ERMP1: variants seen among roughly 807,000 people sequenced by gnomAD.
The protein encoded by ERMP1 is endoplasmic reticulum metallopeptidase 1, also known as Felix-ina.
A neutral mutation model predicts 92.0 loss-of-function variants in ERMP1; 86 were observed. The observed-to-expected ratio is 0.93, with a 90% CI of 0.79 to 1.12. The LOEUF is 1.12. Ranked by LOEUF, ERMP1 falls within the 50% of genes most tolerant of loss-of-function variation. The pLI is 0.00. For synonymous variants in ERMP1, 530 were observed against 412.8 expected, an observed-to-expected ratio of 1.28 and a Z score of -3.44; for missense variants, 1,342 against 1,116.3, an observed-to-expected ratio of 1.20 and a Z score of -2.88.
intron 1 of ERMP1, among the ~76,000 whole-genome samples, chr9:5,831,418 C>T (rs1043174356): frequency 6.6e-6 from 1 of 152,044 alleles, no homozygotes; most frequent in African/African-American, 2.4e-5. Context: ...CCAGCCTGGG[C>T]AACATGGTGA....
At chr9:5,798,690 G>T in intron 12 of ERMP1, 116 bp downstream of exon 12, 1 of 573,228 alleles carries the variant, frequency 1.7e-6, no homozygotes, top group Non-Finnish European at 3.0e-6. Context: ...AGAAAAAATA[G>T]TACAAACACC....
chr9:5,858,626 G>C (rs1176879713), intron 6 of ERMP1, among the ~76,000 whole-genome samples: 5 of 152,214 alleles, frequency 3.3e-5, no homozygotes, highest in Non-Finnish European at 5.9e-5. Flanking sequence ...GTGGTAAAGA[G>C]AAGTTCTCCA....
At chr9:5,789,117 G>C (rs1339382048) in intron 13 of ERMP1, among the ~76,000 whole-genome samples, 1 of 152,048 alleles carries the variant, frequency 6.6e-6, no homozygotes, top group African/African-American at 2.4e-5. Context: ...TGTAATCCAA[G>C]AAAGCATTCC....
intron 6 of ERMP1, chr9:5,855,915 G>A (rs975589855): frequency 1.9e-5 from 4 of 210,166 alleles, no homozygotes; most frequent in Non-Finnish European, 4.1e-5. Context: ...GACTGGCTTT[G>A]CCACAACCTT....
chr9:5,791,842 C>A (rs1011207601), intron 13 of ERMP1, among the ~76,000 whole-genome samples: 1 of 152,106 alleles, frequency 6.6e-6, no homozygotes, highest in Non-Finnish European at 1.5e-5. Flanking sequence ...AAATGAAAAC[C>A]CATTCATGTC....
chr9:5,787,683 A>C (rs1365491716), intron 13 of ERMP1, 90 bp from the exon 14 acceptor site: 1 of 1,297,506 alleles, frequency 7.7e-7, no homozygotes, highest in Non-Finnish European at 1.1e-6. Flanking sequence ...ATAAAGGTTC[A>C]TGCCTGCATG....
Position 5,805,727 on chromosome 9 carries a change from C to A in ERMP1, c.1607G>T (p.Cys536Phe). The stretch of plus-strand genomic sequence containing the variant: ...GTAAGTGAGGGTAACAAGAAAACAG[C>A]AATGGACAAACAGCGAAATGTCAAA... ...VFFDISLFVH[C>F]CFLVTLTYQG... is the part of the protein sequence containing the mutation. The change falls in exon 9 of 15, where the codon TGC (cysteine) becomes TTC (phenylalanine). Residue 536 changes from cysteine to phenylalanine, a missense_variant. Coordinates refer to ENST00000339450, the MANE Select transcript of ERMP1 (RefSeq NM_024896.3). The A allele has an allele frequency of 6.2e-7, 1 of 1,612,878 alleles. No individual in the cohort carries two copies. The highest frequency in any genetic ancestry group is 1.7e-4 in the Middle Eastern group (1 of 6,056).
Position 5,786,887 on chromosome 9 carries a change from C to T in ERMP1, c.*257G>A, listed in dbSNP as rs375396280. On this transcript the variant is annotated 3_prime_UTR_variant, in exon 15 of 15. Transcript: ENST00000339450. ...TTGTCCTTAAGGTCATATAAAATGA[C>T]GTGTGTGTAGTGGCAGTACCCACAT... The T allele has an allele frequency of 1.7e-4, 51 of 303,240 alleles. 1 individual carries two copies. In the South Asian group the frequency reaches 3.0e-3, roughly 18 times the overall value. The allele number at this position is 303,240 out of a possible 1,614,324, so 18.8% of individuals were successfully genotyped here.
upstream of ERMP1, among the ~76,000 whole-genome samples, chr9:5,834,333 C>T (rs570516511): frequency 7.2e-5 from 11 of 152,272 alleles, no homozygotes; most frequent in African/African-American, 2.2e-4. Context: ...TTTAATTAAG[C>T]TTGCTTCCCC....
Position 5,805,047 on chromosome 9 carries a change from T to C in ERMP1, c.1894A>G (p.Met632Val), listed in dbSNP as rs752157842. Residue 632 changes from methionine (M) to valine (V), a missense_variant, in exon 10 of 15, where the codon ATG becomes GTG. Physicochemically the swap from Met to Val is conservative, Grantham distance 21. Transcript: ENST00000339450. ...VLASILAGCTMILSSYFINFI... is the reference protein window; with the variant it reads ...VLASILAGCTVILSSYFINFI... The stretch of plus-strand genomic sequence containing the variant: ...CTTACAAAATAGGACGAGAGAATCA[T>C]TGTACAGCCAGCCAAAATGGATGCC... 6.2e-6 allele frequency: 10 copies of C among 1,611,086 alleles called. No individual in the cohort carries two copies. Among genetic ancestry groups the C allele is most frequent in the African/African-American group, 2.7e-5 (2 of 74,522 alleles).
At chr9:5,832,598 C>T (rs976120771) in intron 1 of ERMP1, 92 bp downstream of exon 1, 2 of 1,052,636 alleles carry the variant, frequency 1.9e-6, no homozygotes, top group African/African-American at 3.4e-5. Context: ...AGCGGTCCGG[C>T]AGGGGCGGGT....
At chr9:5,809,117 G>C (rs533386185) in intron 8 of ERMP1, among the ~76,000 whole-genome samples, 5 of 152,216 alleles carry the variant, frequency 3.3e-5, no homozygotes, top group African/African-American at 9.6e-5. Context: ...CGCCTCCCGG[G>C]TTCACGCCAT....
intron 4 of ERMP1, among the ~76,000 whole-genome samples, chr9:5,815,449 C>A (rs1210858284): frequency 9.2e-6 from 1 of 109,280 alleles, no homozygotes; most frequent in Admixed American, 9.8e-5. Flanking sequence ...ACAATAGTAA[C>A]AGAATATATA....
At chr9:5,843,814 G>A (rs188046851) in intron 6 of ERMP1, among the ~76,000 whole-genome samples, 15 of 152,246 alleles carry the variant, frequency 9.9e-5, no homozygotes, top group African/African-American at 2.6e-4. Flanking sequence ...TGCACACACC[G>A]GGGTTGTAAA....
In ERMP1 at chr9:5,856,963, T is replaced by C. The variant is rs114936049; in HGVS notation, n.3199+2505A>G. Among the ~76,000 whole-genome samples, 595 of 152,258 alleles carry C rather than the reference T, an allele frequency of 3.9e-3. 6 individuals carry two copies. The highest frequency in any genetic ancestry group is 0.014 in the African/African-American group (563 of 41,554). On this transcript the variant is annotated intron_variant and non_coding_transcript_variant, in intron 6 of 6. Transcript: ENST00000690753. ...CAGTCTTGGGGGCCATTTTAAACAT[T>C]GAAATCATCAATGAAAACCATGTGG... is the stretch of plus-strand genomic sequence containing the variant.
chr9:5,834,703 A>ATGTGTGTCTG (rs1830062759), upstream of ERMP1, among the ~76,000 whole-genome samples: 1 of 122,906 alleles, frequency 8.1e-6, no homozygotes, highest in Non-Finnish European at 1.6e-5. Context: ...GTATGTATAT[A>ATGTGTGTCTG]TGTGTGTGTG....
chr9:5,847,759 G>C (rs1328193972), intron 6 of ERMP1, among the ~76,000 whole-genome samples: 1 of 151,792 alleles, frequency 6.6e-6, no homozygotes, highest in Non-Finnish European at 1.5e-5. Flanking sequence ...GCCGGGCGTG[G>C]TGGCAGGCGC....
Position 5,786,088 on chromosome 9 carries a change from G to A in ERMP1, c.*1056C>T, listed in dbSNP as rs751628131. ...AGCCACAACCTCAAGTCTCAGGAAA[G>A]CCAGTCTGCTGGATAGTAAGTTACT... On this transcript the variant is annotated 3_prime_UTR_variant, in exon 15 of 15. Coordinates refer to ENST00000339450, the MANE Select transcript of ERMP1 (RefSeq NM_024896.3). The A allele has an allele frequency of 6.6e-6, 1 of 152,234 alleles. No homozygotes were observed. Among genetic ancestry groups the A allele is most frequent in the Non-Finnish European group, 1.5e-5 (1 of 68,054 alleles). 9.4% of individuals were successfully genotyped at this position (152,234 alleles called of 1,614,324 possible). A position where few individuals can be genotyped will look rare whatever the true frequency, so the allele number is the denominator to read the frequency against.
chr9:5,812,619 G>A, intron 5 of ERMP1: 1 of 488,050 alleles, frequency 2.0e-6, no homozygotes. Context: ...GACCCCTGAA[G>A]GATCTATTAC....
Sources: allele counts gnomAD v4.1 joint callset (sites outside exome capture counted in the v4.1 genomes callset), GRCh38; gene constraint gnomAD v4.1.1; transcripts MANE v1.5; gene names NCBI Gene and HGNC (gene_info 2026-07-23, HGNC 2026-07-21).